Variants in PCDHGA4 observed in about 807,000 individuals in gnomAD.
PCDHGA4 encodes the protein protocadherin gamma-A4.
Under a neutral mutation model 54.6 loss-of-function variants are expected in PCDHGA4, and 38 were observed. The observed-to-expected ratio is 0.70, with a 90% CI of 0.54 to 0.91. PCDHGA4 has a LOEUF of 0.91. Ranked by LOEUF, PCDHGA4 falls within the 40% of genes least tolerant of loss-of-function variation. The pLI is 0.00. For missense variants in PCDHGA4, 1,298 were observed against 1,220.9 expected, an observed-to-expected ratio of 1.06 and a Z score of -0.94; for synonymous variants, 511 against 512.9, an observed-to-expected ratio of 1.00 and a Z score of 0.05.
intron 1 of PCDHGA4, among the ~76,000 whole-genome samples, chr5:141,359,372 T>C (rs1761190910): frequency 6.6e-6 from 1 of 152,032 alleles, no homozygotes; most frequent in African/African-American, 2.4e-5. Flanking sequence ...AGGAAAGCAG[T>C]AGATAATTTA....
chr5:141,501,442 T>C (rs1202229661), intron 2 of PCDHGA4, among the ~76,000 whole-genome samples: 1 of 152,016 alleles, frequency 6.6e-6, no homozygotes, highest in African/African-American at 2.4e-5. Context: ...ATTTCTTCCA[T>C]TTTTACTTTT....
intron 1 of PCDHGA4, chr5:141,478,282 G>A: frequency 6.2e-7 from 1 of 1,614,184 alleles, no homozygotes; most frequent in Non-Finnish European, 8.5e-7. Flanking sequence ...AGTGGAAGCA[G>A]TCTAGAGACC....
chr5:141,474,703 C>A (rs2099353282), intron 1 of PCDHGA4, among the ~76,000 whole-genome samples: 1 of 152,188 alleles, frequency 6.6e-6, no homozygotes, highest in African/African-American at 2.4e-5. Flanking sequence ...GTTCAAGGTT[C>A]TATTATACTT....
At chr5:141,361,715 C>T (rs1299117104) in intron 1 of PCDHGA4, 19 of 1,613,280 alleles carry the variant, frequency 1.2e-5, no homozygotes, top group Non-Finnish European at 1.6e-5. Context: ...CAGCTGCGCG[C>T]CTTCGAGCTC....
chr5:141,496,225 G>C (rs112222482), intron 2 of PCDHGA4, among the ~76,000 whole-genome samples: 178 of 152,276 alleles, frequency 1.2e-3, no homozygotes, highest in Non-Finnish European at 1.8e-3. Context: ...TGCTGAGACA[G>C]GAACCCCCTG....
chr5:141,389,204 T>G, intron 1 of PCDHGA4: 6 of 1,613,894 alleles, frequency 3.7e-6, no homozygotes, highest in Non-Finnish European at 5.1e-6. Context: ...CCCTGCACAT[T>G]GGTGATGTAA....
At chr5:141,361,809 T>G (rs755899945) in intron 1 of PCDHGA4, 1 of 1,612,970 alleles carries the variant, frequency 6.2e-7, no homozygotes, top group Non-Finnish European at 8.5e-7. Context: ...TCAATGACAA[T>G]GCGCCACGGG....
chr5:141,403,582 G>A (rs973617374), intron 1 of PCDHGA4: 1 of 1,613,910 alleles, frequency 6.2e-7, no homozygotes, highest in Non-Finnish European at 8.5e-7. Flanking sequence ...CCCACCACCT[G>A]GTCCTCACGG....
chr5:141,439,117 C>T (rs1219829519), intron 1 of PCDHGA4, among the ~76,000 whole-genome samples: 6 of 150,696 alleles, frequency 4.0e-5, no homozygotes, highest in African/African-American at 7.3e-5. Context: ...CACTTGAACC[C>T]GGGAGACAGA....
At chr5:141,394,547 G>T (rs771070854) in intron 1 of PCDHGA4, 6 of 1,614,098 alleles carry the variant, frequency 3.7e-6, no homozygotes, top group East Asian at 2.2e-5. Context: ...TGGAGCTGGC[G>T]CCCCGCTCCG....
At chr5:141,399,916 A>G in intron 1 of PCDHGA4, 3 of 1,612,378 alleles carry the variant, frequency 1.9e-6, no homozygotes, top group Non-Finnish European at 1.7e-6. Context: ...CTCAGGACAC[A>G]ACGCCTGGCT....
intron 1 of PCDHGA4, chr5:141,394,379 T>G: frequency 6.2e-7 from 1 of 1,614,160 alleles, no homozygotes; most frequent in Non-Finnish European, 8.5e-7. Context: ...CTTTCGACTA[T>G]GAGCAGATCC....
chr5:141,457,045 C>T (rs1489830197), intron 1 of PCDHGA4, among the ~76,000 whole-genome samples: 1 of 152,198 alleles, frequency 6.6e-6, no homozygotes, highest in African/African-American at 2.4e-5. Context: ...GATAGTAAAA[C>T]TTTCATGCTT....
intron 1 of PCDHGA4, chr5:141,387,677 C>A (rs1256771366): frequency 1.8e-5 from 13 of 740,970 alleles, no homozygotes; most frequent in South Asian, 4.0e-5. Context: ...GATCTCCTCG[C>A]GCAGCCGCAG....
chr5:141,393,484 G>A, intron 1 of PCDHGA4: 1 of 1,614,058 alleles, frequency 6.2e-7, no homozygotes, highest in Non-Finnish European at 8.5e-7. Context: ...CCTCGCTCTA[G>A]CACAGTGCGC....
chr5:141,422,833 C>T, intron 1 of PCDHGA4: 2 of 1,614,224 alleles, frequency 1.2e-6, no homozygotes, highest in East Asian at 2.2e-5. Context: ...AGTGATAGCA[C>T]GTGACAGCGG....
chr5:141,419,933 C>CTGG (rs1192896428), intron 1 of PCDHGA4: 1 of 1,613,952 alleles, frequency 6.2e-7, no homozygotes, highest in African/African-American at 1.3e-5. Context: ...GCAGTTTTAC[C>CTGG]TGGTGGTGGC....
chr5:141,374,326 C>A, intron 1 of PCDHGA4: 1 of 1,613,980 alleles, frequency 6.2e-7, no homozygotes, highest in Non-Finnish European at 8.5e-7. Context: ...ATCCGCGAAA[C>A]GGCAGCTTGG....
At chr5:141,366,516 G>C (rs1198130864) in intron 1 of PCDHGA4, 1 of 1,614,156 alleles carries the variant, frequency 6.2e-7, no homozygotes, top group African/African-American at 1.3e-5. Flanking sequence ...CAGGCTGAAG[G>C]CAGCAGGTTG....
Sources: allele counts gnomAD v4.1 joint callset (sites outside exome capture counted in the v4.1 genomes callset), GRCh38; gene constraint gnomAD v4.1.1; transcripts MANE v1.5; gene names NCBI Gene and HGNC (gene_info 2026-07-23, HGNC 2026-07-21).